Variants in HOXD9 observed in about 807,000 individuals in gnomAD.
The protein encoded by HOXD9 is homeobox protein Hox-D9.
A neutral mutation model predicts 24.6 loss-of-function variants in HOXD9; 21 were observed. The observed-to-expected ratio is 0.85, with a 90% CI of 0.61 to 1.23. The LOEUF (loss-of-function observed/expected upper bound fraction) is 1.23. HOXD9 is among the 50% of genes most tolerant of loss of function. The probability of loss-of-function intolerance (pLI) is 0.00; values close to 1 mark genes in which losing one functional copy is unlikely to be tolerated. For synonymous variants in HOXD9, 240 were observed against 226.4 expected (o/e 1.06, Z -0.54); for missense variants, 503 against 503.6 (o/e 1.00, Z 0.01).
In HOXD9 at chr2:176,122,973, GC is replaced by G; in HGVS notation, c.210del (p.Arg71AspfsTer22). ...CGCCGAGTTCGCCTCGTGTAGTTTT[GC>G]CCCCAGATCGGCCGTGTTCTCTGCC... ...TAAEFASCSF[A>X]PRSAVFSASW... On this transcript the variant is annotated frameshift_variant, in exon 1 of 2. Coordinates refer to ENST00000249499, the MANE Select transcript of HOXD9 (RefSeq NM_014213.4). LOFTEE classifies it high-confidence loss of function. 2 of 1,595,568 alleles carry G rather than the reference GC, an allele frequency of 1.3e-6. No individual in the cohort carries two copies. The highest frequency in any genetic ancestry group is 1.7e-5 in the Admixed American group (1 of 58,540).
At position 176,123,782 on chromosome 2, in the gene HOXD9, G is replaced by T; in HGVS notation, c.818-152G>T. 1 of 986,774 alleles carries T rather than the reference G, an allele frequency of 1.0e-6. No individual in the cohort carries two copies. 61.1% of individuals were successfully genotyped at this position (986,774 alleles called of 1,614,324 possible). Reference sequence around the variant, plus strand: ...AGTTAGTACGGTAAACAGAGCGCGAGCATTAAGGCTTTTTATGATAATTCC... The same window carrying T: ...AGTTAGTACGGTAAACAGAGCGCGATCATTAAGGCTTTTTATGATAATTCC... On this transcript the variant is annotated intron_variant, in intron 1 of 1. Transcript: ENST00000249499. The surrounding 1 kb of genome is among the most constrained non-coding windows in gnomAD (Gnocchi z 4.2).
rs763738809 is a variant in HOXD9, at chr2:176,122,887, C to T, written c.119C>T (p.Pro40Leu). 6.3e-7 allele frequency: 1 copy of T among 1,592,966 alleles called. No homozygotes were observed. Among genetic ancestry groups the T allele is most frequent in the East Asian group, 2.3e-5 (1 of 42,770 alleles). ...GAGGTGTTCGCGGCGCGCTTCGGGC[C>T]GCCGGGGCCAGGCGCGCAGGGCCGG... ...GDEVFAARFG[P>L]PGPGAQGRPA... The change falls in exon 1 of 2, where the codon CCG becomes CTG. Residue 40 changes from proline (P) to leucine (L), a missense_variant. By Grantham distance (98) the Pro-to-Leu change is moderately conservative (BLOSUM62 -3). Coordinates refer to ENST00000249499, the MANE Select transcript of HOXD9 (RefSeq NM_014213.4).
chr2:176,123,420 G>A lies in HOXD9; in HGVS notation c.652G>A (p.Ala218Thr), dbSNP rs868861333. 1 of 1,558,274 alleles carries A rather than the reference G, an allele frequency of 6.4e-7. No homozygotes were observed. Among genetic ancestry groups the A allele is most frequent in the East Asian group, 2.4e-5 (1 of 41,362 alleles). Reference sequence around the variant, plus strand: ...CAACTCGTTCCTGCAGGAGAAGGCGGCAGCGGCGACGGGGGGAACCGGGCC... The same window carrying A: ...CAACTCGTTCCTGCAGGAGAAGGCGACAGCGGCGACGGGGGGAACCGGGCC... ...SCNSFLQEKA[A>T]AATGGTGPGA... Residue 218 changes from alanine (A) to threonine (T), a missense_variant, in exon 1 of 2, where the codon GCA becomes ACA. Physicochemically the swap from Ala to Thr is moderately conservative, Grantham distance 58. Coordinates refer to ENST00000249499, the MANE Select transcript of HOXD9 (RefSeq NM_014213.4). This position sits in a 1 kb window ranked among gnomAD's most constrained non-coding sequence, Gnocchi z 4.2.
chr2:176,123,191 G>A lies in HOXD9; in HGVS notation c.423G>A (p.Pro141=). The change falls in exon 1 of 2, where the codon CCG becomes CCA. Residue 141 remains proline, a synonymous_variant. Coordinates refer to ENST00000249499, the MANE Select transcript of HOXD9 (RefSeq NM_014213.4). The surrounding 1 kb of genome is among the most constrained non-coding windows in gnomAD (Gnocchi z 4.2). ...GGGGGGGGGG[P]GRGPSPGPSG... is the part of the protein sequence containing the mutation. Reference sequence around the variant, plus strand: ...GCGGTGGTGGTGGAGGCGGCGGTCCGGGCCGCGGTCCCAGCCCTGGCCCCA... The same window carrying A: ...GCGGTGGTGGTGGAGGCGGCGGTCCAGGCCGCGGTCCCAGCCCTGGCCCCA... 1 of 1,404,210 alleles carries A rather than the reference G, an allele frequency of 7.1e-7. No homozygotes were observed. Among genetic ancestry groups the A allele is most frequent in the Non-Finnish European group, 9.2e-7 (1 of 1,081,758 alleles). 87.0% of individuals were successfully genotyped at this position (1,404,210 alleles called of 1,614,324 possible). A position where few individuals can be genotyped will look rare whatever the true frequency, so the allele number is the denominator to read the frequency against.
rs773824632 is a variant in HOXD9 at position 176,123,432 on chromosome 2, G to C, written c.664G>C (p.Gly222Arg). ...FLQEKAAAATGGTGPGAGIGA... is the reference protein window; with the variant it reads ...FLQEKAAAATRGTGPGAGIGA... ...GCAGGAGAAGGCGGCAGCGGCGACGGGGGGAACCGGGCCTGGGGCAGGGAT... is the reference window on the plus strand; with the variant it reads ...GCAGGAGAAGGCGGCAGCGGCGACGCGGGGAACCGGGCCTGGGGCAGGGAT... Residue 222 changes from glycine (G) to arginine (R), a missense_variant, in exon 1 of 2, where the codon GGG becomes CGG. Transcript: ENST00000249499. This position sits in a 1 kb window ranked among gnomAD's most constrained non-coding sequence, Gnocchi z 4.2. 3 of 1,563,396 alleles carry C rather than the reference G, an allele frequency of 1.9e-6. No homozygotes were observed. The highest frequency in any genetic ancestry group is 3.8e-5 in the Admixed American group (2 of 52,766).
In HOXD9 at chr2:176,123,887, C is replaced by A; in HGVS notation, c.818-47C>A. The A allele has an allele frequency of 6.6e-7, 1 of 1,521,386 alleles. No homozygotes were observed. The highest frequency in any genetic ancestry group is 9.0e-7 in the Non-Finnish European group (1 of 1,107,708). The allele number at this position is 1,521,386 out of a possible 1,614,324, so 94.2% of individuals were successfully genotyped here. On this transcript the variant is annotated intron_variant, in intron 1 of 1. Transcript: ENST00000249499. This position sits in a 1 kb window ranked among gnomAD's most constrained non-coding sequence, Gnocchi z 4.2. The stretch of plus-strand genomic sequence containing the variant: ...TCCCCACCCTGTGGTCTCTCCCTGC[C>A]TCCCCTCCTCTCCTCTCTCCCCGTC...
In HOXD9 at chr2:176,122,795, C is replaced by G. The variant is rs1380802463; in HGVS notation, c.27C>G (p.Leu9=). The change falls in exon 1 of 2, where the codon CTC becomes CTG. Residue 9 remains leucine, a synonymous_variant. Transcript: ENST00000249499. ...TGTTGGGTGGGAGTGCGGGACGCCT[C>G]AAAATGTCTTCCAGTGGCACCCTCA... The part of the protein sequence containing the change: MLGGSAGR[L]KMSSSGTLSN... The G allele has an allele frequency of 3.9e-6, 6 of 1,534,354 alleles. No individual in the cohort carries two copies. The highest frequency in any genetic ancestry group is 5.2e-6 in the Non-Finnish European group (6 of 1,146,452).
Position 176,124,293 on chromosome 2 carries a change from T to A in HOXD9, c.*118T>A. On this transcript the variant is annotated 3_prime_UTR_variant, in exon 2 of 2. Transcript: ENST00000249499. ...ACTCTCCAGCGACTTGGACTTCTTC[T>A]TCTTTTTTTTTTTCTTTTTAGATAG... is the stretch of plus-strand genomic sequence containing the variant. 2.4e-6 allele frequency: 3 copies of A among 1,249,006 alleles called. No homozygotes were observed. The highest frequency in any genetic ancestry group is 2.1e-6 in the Non-Finnish European group (2 of 940,464). The allele number at this position is 1,249,006 out of a possible 1,614,324, so 77.4% of individuals were successfully genotyped here.
Position 176,122,926 on chromosome 2 carries a change from C to CT in HOXD9, c.159dup (p.Asp54Ter). The CT allele has an allele frequency of 6.3e-7, 1 of 1,583,158 alleles. No homozygotes were observed. The highest frequency in any genetic ancestry group is 8.6e-7 in the Non-Finnish European group (1 of 1,166,958). ...GCGCAGGGCCGGCCTGCAGGTGTGG[C>CT]TGATGGCCCGGCCGCCACCGCCGCC... On this transcript the variant is annotated frameshift_variant, in exon 1 of 2. Transcript: ENST00000249499. LOFTEE classifies it high-confidence loss of function.
At position 176,122,911 on chromosome 2, in the gene HOXD9, G is replaced by A. The variant is rs952895169; in HGVS notation, c.143G>A (p.Arg48Gln). 1 of 1,588,158 alleles carries A rather than the reference G, an allele frequency of 6.3e-7. No individual in the cohort carries two copies. The highest frequency in any genetic ancestry group is 8.6e-7 in the Non-Finnish European group (1 of 1,168,952). Reference sequence around the variant, plus strand: ...CCGCCGGGGCCAGGCGCGCAGGGCCGGCCTGCAGGTGTGGCTGATGGCCCG... The same window carrying A: ...CCGCCGGGGCCAGGCGCGCAGGGCCAGCCTGCAGGTGTGGCTGATGGCCCG... ...FGPPGPGAQG[R>Q]PAGVADGPAA... Residue 48 changes from arginine to glutamine, a missense_variant, in exon 1 of 2, where the codon CGG (arginine) becomes CAG (glutamine). By Grantham distance (43) the Arg-to-Gln change is conservative. Coordinates refer to ENST00000249499, the MANE Select transcript of HOXD9 (RefSeq NM_014213.4).
chr2:176,122,873 G>T lies in HOXD9; in HGVS notation c.105G>T (p.Ala35=), dbSNP rs773241893. ...LIGHEGDEVF[A]ARFGPPGPGA... ...GCCATGAGGGCGACGAGGTGTTCGC[G>T]GCGCGCTTCGGGCCGCCGGGGCCAG... is the stretch of plus-strand genomic sequence containing the variant. The change falls in exon 1 of 2, where the codon GCG becomes GCT. Residue 35 remains alanine, a synonymous_variant. Coordinates refer to ENST00000249499, the MANE Select transcript of HOXD9 (RefSeq NM_014213.4). The T allele has an allele frequency of 3.8e-6, 6 of 1,595,388 alleles. No homozygotes were observed. Among genetic ancestry groups the T allele is most frequent in the Non-Finnish European group, 4.3e-6 (5 of 1,172,470 alleles).
Position 176,124,051 on chromosome 2 carries a change from G to A in HOXD9, c.935G>A (p.Arg312Gln), listed in dbSNP as rs1227362893. 3.1e-6 allele frequency: 5 copies of A among 1,614,038 alleles called. No homozygotes were observed. The highest frequency in any genetic ancestry group is 4.5e-5 in the East Asian group (2 of 44,880). The change falls in exon 2 of 2, where the codon CGG (arginine) becomes CAG (glutamine). Residue 312 changes from arginine (R) to glutamine (Q), a missense_variant. By Grantham distance (43) the Arg-to-Gln change is conservative. Coordinates refer to ENST00000249499, the MANE Select transcript of HOXD9 (RefSeq NM_014213.4). ...KEFLFNMYLT[R>Q]DRRYEVARIL... ...TTCCTCTTCAACATGTACCTCACCC[G>A]GGACCGGCGCTACGAGGTGGCCAGG...
At position 176,122,743 on chromosome 2, in the gene HOXD9, G is replaced by A. The variant is rs201264942; in HGVS notation, c.-26G>A. 46 of 1,457,676 alleles carry A rather than the reference G, an allele frequency of 3.2e-5. No homozygotes were observed. Among genetic ancestry groups the A allele is most frequent in the Non-Finnish European group, 3.9e-5 (43 of 1,106,332 alleles). The allele number at this position is 1,457,676 out of a possible 1,614,324, so 90.3% of individuals were successfully genotyped here. A position where few individuals can be genotyped will look rare whatever the true frequency, so the allele number is the denominator to read the frequency against. ...TAGTCGGTGGCTCGGGCGCCGGCGGGGAGCTGCTCGGCGGCGGACAGTGTA... is the reference window on the plus strand; with the variant it reads ...TAGTCGGTGGCTCGGGCGCCGGCGGAGAGCTGCTCGGCGGCGGACAGTGTA... On this transcript the variant is annotated 5_prime_UTR_variant, in exon 1 of 2. Transcript: ENST00000249499.
Position 176,123,948 on chromosome 2 carries a change from A to G in HOXD9, c.832A>G (p.Asn278Asp). 6.2e-7 allele frequency: 1 copy of G among 1,611,304 alleles called. No homozygotes were observed. The highest frequency in any genetic ancestry group is 8.5e-7 in the Non-Finnish European group (1 of 1,177,800). The change falls in exon 2 of 2, where the codon AAC (asparagine) becomes GAC (aspartate). Residue 278 changes from asparagine to aspartate, a missense_variant. Physicochemically the swap from Asn to Asp is conservative, Grantham distance 23 (BLOSUM62 1). Coordinates refer to ENST00000249499, the MANE Select transcript of HOXD9 (RefSeq NM_014213.4). This position sits in a 1 kb window ranked among gnomAD's most constrained non-coding sequence, Gnocchi z 4.2. ...QQLDPNNPAANWIHARSTRKK... is the reference protein window; with the variant it reads ...QQLDPNNPAADWIHARSTRKK... ...CCTCTTTGTAGACAACCCCGCCGCG[A>G]ACTGGATCCACGCTCGCTCCACCCG...
Position 176,123,691 on chromosome 2 carries a change from C to A in HOXD9, c.817+106C>A. The A allele has an allele frequency of 7.3e-7, 1 of 1,370,428 alleles. No homozygotes were observed. The highest frequency in any genetic ancestry group is 2.2e-4 in the Middle Eastern group (1 of 4,496). 84.9% of individuals were successfully genotyped at this position (1,370,428 alleles called of 1,614,324 possible). A position where few individuals can be genotyped will look rare whatever the true frequency, so the allele number is the denominator to read the frequency against. On this transcript the variant is annotated intron_variant, in intron 1 of 1. Transcript: ENST00000249499. This position sits in a 1 kb window ranked among gnomAD's most constrained non-coding sequence, Gnocchi z 4.2. ...CCTATAAAAACGTCTAGACGCCTAC[C>A]CAAGCCTAGGCGAACAACATGCATC...
rs774648592 is a variant in HOXD9 at position 176,122,878 on chromosome 2, G to C, written c.110G>C (p.Arg37Pro). ...GHEGDEVFAA[R>P]FGPPGPGAQG... ...GAGGGCGACGAGGTGTTCGCGGCGC[G>C]CTTCGGGCCGCCGGGGCCAGGCGCG... The change falls in exon 1 of 2, where the codon CGC becomes CCC. Residue 37 changes from arginine (R) to proline (P), a missense_variant. Transcript: ENST00000249499. 1 of 1,594,880 alleles carries C rather than the reference G, an allele frequency of 6.3e-7. No homozygotes were observed. The highest frequency in any genetic ancestry group is 8.5e-7 in the Non-Finnish European group (1 of 1,172,106).
At position 176,124,795 on chromosome 2, in the gene HOXD9, T is replaced by A. The variant is rs992989767; in HGVS notation, c.*620T>A. The stretch of plus-strand genomic sequence containing the variant: ...GTCCTCAGTGCATTGGACGCGCTGC[T>A]CTCTCCCCTGAAGGCTGGGCTCGCG... On this transcript the variant is annotated 3_prime_UTR_variant, in exon 2 of 2. Transcript: ENST00000249499. The A allele has an allele frequency of 2.6e-5, 4 of 152,448 alleles. No individual in the cohort carries two copies. Among genetic ancestry groups the A allele is most frequent in the Admixed American group, 2.6e-4 (4 of 15,304 alleles). The allele number at this position is 152,448 out of a possible 1,614,324, so 9.4% of individuals were successfully genotyped here.
Position 176,124,189 on chromosome 2 carries a change from T to A in HOXD9, c.*14T>A, listed in dbSNP as rs748231542. 2 of 1,587,492 alleles carry A rather than the reference T, an allele frequency of 1.3e-6. No individual in the cohort carries two copies. The highest frequency in any genetic ancestry group is 1.7e-6 in the Non-Finnish European group (2 of 1,162,098). The stretch of plus-strand genomic sequence containing the variant: ...AAAGGAGACTGACCCGGCGCGGTGC[T>A]GGCGGGAGCGCTCAAGGGCAGCGGA... On this transcript the variant is annotated 3_prime_UTR_variant, in exon 2 of 2. Coordinates refer to ENST00000249499, the MANE Select transcript of HOXD9 (RefSeq NM_014213.4).
In HOXD9 at chr2:176,124,389, C is replaced by A; in HGVS notation, c.*214C>A. ...TTTGCTCGTTTACGTGTTGGAAAAA[C>A]CAAGTGGCTTTGGGGTTTCGCCCTA... On this transcript the variant is annotated 3_prime_UTR_variant, in exon 2 of 2. Coordinates refer to ENST00000249499, the MANE Select transcript of HOXD9 (RefSeq NM_014213.4). The A allele has an allele frequency of 1.7e-6, 1 of 571,534 alleles. No homozygotes were observed. Among genetic ancestry groups the A allele is most frequent in the East Asian group, 3.6e-5 (1 of 27,772 alleles). 35.4% of individuals were successfully genotyped at this position (571,534 alleles called of 1,614,324 possible).
Sources: gnomAD v4.1 joint callset for allele counts on GRCh38, gnomAD v4.1.1 for gene constraint, Gnocchi (gnomAD v3.1) non-coding constraint, MANE v1.5 for transcripts, NCBI Gene and HGNC (gene_info 2026-07-23, HGNC 2026-07-21) for gene names.